GABRR3: variants seen among roughly 807,000 people sequenced by gnomAD.
GABRR3 encodes gamma-aminobutyric acid type A receptor subunit rho3.
A neutral mutation model predicts 43.2 loss-of-function variants in GABRR3; 29 were observed. The observed-to-expected ratio is 0.67, with a 90% CI of 0.50 to 0.92. The LOEUF is 0.92. Among genes scored for constraint, GABRR3 ranks in the 40% least tolerant of loss-of-function variants. GABRR3 has a pLI of 0.00. For synonymous variants in GABRR3, 206 were observed against 195.9 expected (o/e 1.05, Z -0.43); for missense variants, 576 against 572.3 (o/e 1.01, Z -0.07).
intron 8 of GABRR3, chr3:98,001,388 G>A (rs1576039227): frequency 1.9e-6 from 1 of 520,044 alleles, no homozygotes; most frequent in Non-Finnish European, 3.5e-6. Context: ...CCCAACTGCA[G>A]GTCAGTCAGC....
At chr3:97,992,358 C>T (rs1706479783) in intron 9 of GABRR3, among the ~76,000 whole-genome samples, 1 of 152,156 alleles carries the variant, frequency 6.6e-6, no homozygotes, top group East Asian at 1.9e-4. Flanking sequence ...CCTGATTCCT[C>T]TTCAGCTGTG....
In GABRR3 at chr3:98,006,318, T is replaced by A. The variant is rs79005545; in HGVS notation, c.754+1446A>T. On this transcript the variant is annotated intron_variant, in intron 7 of 9. Transcript: ENST00000621172. Reference sequence around the variant, plus strand: ...TCAGTGATCAAAACAAATAAATATGTGCTACTTACATAATCAGAAAAGGCA... The same window carrying A: ...TCAGTGATCAAAACAAATAAATATGAGCTACTTACATAATCAGAAAAGGCA... Among the ~76,000 whole-genome samples, 585 of 152,278 alleles carry A rather than the reference T, an allele frequency of 3.8e-3. 4 individuals carry two copies. Among genetic ancestry groups the A allele is most frequent in the African/African-American group, 0.013 (561 of 41,570 alleles).
chr3:97,986,451 A>G (rs376056082), downstream of GABRR3, among the ~76,000 whole-genome samples: 195 of 152,338 alleles, frequency 1.3e-3, 1 homozygote, highest in African/African-American at 4.5e-3. Flanking sequence ...TTCCCAATGG[A>G]AAACTGTTTT....
At chr3:98,017,583 A>T in intron 4 of GABRR3, 72 bp downstream of exon 4, 1 of 1,007,960 alleles carries the variant, frequency 9.9e-7, no homozygotes. Flanking sequence ...ATTTATTAAA[A>T]CACTAGTGAT....
intron 3 of GABRR3, among the ~76,000 whole-genome samples, chr3:98,018,020 T>C (rs1334589616): frequency 7.3e-6 from 1 of 136,290 alleles, no homozygotes; most frequent in African/African-American, 2.6e-5. Context: ...TTTTTTTTTT[T>C]AGTTTTTTAT....
intron 8 of GABRR3, among the ~76,000 whole-genome samples, chr3:97,995,470 C>T (rs568064797): frequency 4.6e-5 from 7 of 152,028 alleles, no homozygotes; most frequent in South Asian, 2.1e-4. Context: ...AAAGGAATTG[C>T]GCTATCTATA....
At chr3:97,992,748 T>C in intron 9 of GABRR3, 104 bp downstream of exon 9, 3 of 1,041,968 alleles carry the variant, frequency 2.9e-6, no homozygotes, top group Non-Finnish European at 4.1e-6. Flanking sequence ...GACAAGCATA[T>C]GGACTTAATA....
intron 7 of GABRR3, among the ~76,000 whole-genome samples, chr3:98,002,068 G>A (rs1706653610): frequency 6.6e-6 from 1 of 152,000 alleles, no homozygotes; most frequent in Non-Finnish European, 1.5e-5. Flanking sequence ...ATTGTATTGT[G>A]GCGTTTCTGC....
chr3:98,012,635 G>A (rs756523345), intron 4 of GABRR3, 68 bp from the exon 5 acceptor site: 23 of 1,046,652 alleles, frequency 2.2e-5, no homozygotes, highest in Non-Finnish European at 3.2e-5. Flanking sequence ...ACTCAACACT[G>A]TTAGTCCCAG....
At chr3:98,026,824 C>T (rs1397235980) in intron 2 of GABRR3, among the ~76,000 whole-genome samples, 1 of 152,038 alleles carries the variant, frequency 6.6e-6, no homozygotes, top group Non-Finnish European at 1.5e-5. Context: ...AAAGTGACTT[C>T]GATGGGGAGA....
At chr3:98,016,045 T>A (rs968832587) in intron 4 of GABRR3, among the ~76,000 whole-genome samples, 5 of 152,076 alleles carry the variant, frequency 3.3e-5, no homozygotes, top group African/African-American at 9.7e-5. Context: ...AGAGAGAGCA[T>A]GTGCAGGGGA....
Position 98,022,692 on chromosome 3 carries a change from A to G in GABRR3, c.238+2875T>C, listed in dbSNP as rs946323210. 5.9e-5 allele frequency among the ~76,000 whole-genome samples: 9 copies of G among 152,128 alleles called. No homozygotes were observed. The East Asian group carries it at 1.7e-3, about 29-fold the overall frequency. ...GAATTTATGAAGATTTTTCGGCTCA[A>G]ACTGACTAATCACACAAGCCATTTG... On this transcript the variant is annotated intron_variant, in intron 3 of 9. Coordinates refer to ENST00000621172, the Ensembl canonical transcript of GABRR3.
intron 9 of GABRR3, among the ~76,000 whole-genome samples, chr3:97,990,739 T>C (rs1706456126): frequency 1.3e-5 from 2 of 152,116 alleles, no homozygotes; most frequent in South Asian, 2.1e-4. Flanking sequence ...TTGCATTTAT[T>C]TGAGATAATT....
At chr3:98,022,153 T>C (rs890645647) in intron 3 of GABRR3, among the ~76,000 whole-genome samples, 1 of 152,194 alleles carries the variant, frequency 6.6e-6, no homozygotes, top group Non-Finnish European at 1.5e-5. Flanking sequence ...TGATTTCACT[T>C]TGAAGAAACA....
chr3:98,020,145 C>T (rs1706922119), intron 3 of GABRR3, among the ~76,000 whole-genome samples: 1 of 151,956 alleles, frequency 6.6e-6, no homozygotes, highest in Admixed American at 6.6e-5. Context: ...CAGAATGTCC[C>T]AAATGAAGTT....
chr3:97,992,772 C>T, intron 9 of GABRR3, 80 bp downstream of exon 9: 1 of 1,309,536 alleles, frequency 7.6e-7, no homozygotes, highest in African/African-American at 1.5e-5. Flanking sequence ...AGGCTTACAA[C>T]ACTGTCAAGA....
chr3:97,985,842 ATT>A (rs1163114616), downstream of GABRR3, among the ~76,000 whole-genome samples: 112 of 47,386 alleles, frequency 2.4e-3, no homozygotes, highest in African/African-American at 5.1e-3. Context: ...ATGAAACAAT[ATT>A]TTATATATAT....
intron 7 of GABRR3, among the ~76,000 whole-genome samples, chr3:98,004,082 G>A (rs150359020): frequency 6.6e-6 from 1 of 152,152 alleles, no homozygotes; most frequent in East Asian, 1.9e-4. Context: ...TGGAGGACTG[G>A]GCCAGTATTT....
intron 2 of GABRR3, among the ~76,000 whole-genome samples, chr3:98,031,940 C>G (rs1375525070): frequency 6.6e-6 from 1 of 151,920 alleles, no homozygotes; most frequent in Non-Finnish European, 1.5e-5. Flanking sequence ...TAATGTTTAA[C>G]AAGTGACTCT....
Sources: allele counts gnomAD v4.1 joint callset (sites outside exome capture counted in the v4.1 genomes callset), GRCh38; gene constraint gnomAD v4.1.1; transcripts MANE v1.5; gene names NCBI Gene and HGNC (gene_info 2026-07-23, HGNC 2026-07-21).